The following RORA variants were observed in gnomAD, a reference collection of about 807,000 sequenced individuals.
The protein encoded by RORA is nuclear receptor ROR-alpha.
A neutral mutation model predicts 69.5 loss-of-function variants in RORA; 7 were observed. The observed-to-expected ratio is 0.10, with a 90% CI of 0.06 to 0.19. The LOEUF (loss-of-function observed/expected upper bound fraction) is 0.19, where lower values mean the gene tolerates loss of function less well. Ranked by LOEUF, RORA falls within the 10% of genes least tolerant of loss-of-function variation. The pLI, the probability that RORA is intolerant of heterozygous loss-of-function variation, is 1.00. For synonymous variants in RORA, 261 were observed against 240.8 expected, an observed-to-expected ratio of 1.08 and a Z score of -0.78; for missense variants, 457 against 663.0, an observed-to-expected ratio of 0.69 and a Z score of 3.41.
At chr15:61,080,012 C>G (rs1172056930) in intron 1 of RORA, among the ~76,000 whole-genome samples, 1 of 152,102 alleles carries the variant, frequency 6.6e-6, no homozygotes, top group Non-Finnish European at 1.5e-5. Context: ...CAGCATGTGC[C>G]CAGCACACAG....
chr15:61,004,181 G>A (rs953249039), intron 1 of RORA, among the ~76,000 whole-genome samples: 1 of 151,836 alleles, frequency 6.6e-6, no homozygotes, highest in African/African-American at 2.4e-5. Context: ...CTTACTTCTT[G>A]TCATGGAAAA....
chr15:60,622,989 T>C (rs1036651002), intron 2 of RORA, among the ~76,000 whole-genome samples: 5 of 152,234 alleles, frequency 3.3e-5, no homozygotes, highest in Non-Finnish European at 5.9e-5. Flanking sequence ...GTGCTGGGAT[T>C]ACAGGCATGA....
At chr15:60,505,020 A>G (rs914843487) in intron 6 of RORA, among the ~76,000 whole-genome samples, 1 of 152,222 alleles carries the variant, frequency 6.6e-6, no homozygotes, top group African/African-American at 2.4e-5. Flanking sequence ...CAAGTAGGGT[A>G]CTATTTGTCA....
At chr15:60,636,719 C>T (rs1294325782) in intron 2 of RORA, among the ~76,000 whole-genome samples, 1 of 152,064 alleles carries the variant, frequency 6.6e-6, no homozygotes, top group Non-Finnish European at 1.5e-5. Context: ...TACAAAATAT[C>T]ACCGCATCAT....
intron 1 of RORA, among the ~76,000 whole-genome samples, chr15:60,849,733 T>C (rs1294945338): frequency 3.9e-5 from 6 of 152,218 alleles, no homozygotes; most frequent in Non-Finnish European, 7.3e-5. Flanking sequence ...CAAGCTACCA[T>C]TGCGATGTCT....
chr15:61,033,533 A>G (rs1896292507), intron 1 of RORA, among the ~76,000 whole-genome samples: 1 of 152,190 alleles, frequency 6.6e-6, no homozygotes, highest in Non-Finnish European at 1.5e-5. Flanking sequence ...TTCATTCTTT[A>G]TCTCCAAATT....
At chr15:60,565,867 G>C (rs1198909517) in intron 2 of RORA, among the ~76,000 whole-genome samples, 1 of 152,192 alleles carries the variant, frequency 6.6e-6, no homozygotes, top group Non-Finnish European at 1.5e-5. Context: ...CCAGGTATTT[G>C]ACGGATTTAT....
At chr15:60,938,096 C>A (rs575279787) in intron 1 of RORA, among the ~76,000 whole-genome samples, 3 of 152,006 alleles carry the variant, frequency 2.0e-5, no homozygotes, top group East Asian at 3.9e-4. Context: ...CTTGTGTACA[C>A]AAGCTAATGT....
At chr15:60,632,540 A>G (rs369886557) in intron 2 of RORA, among the ~76,000 whole-genome samples, 5 of 152,330 alleles carry the variant, frequency 3.3e-5, no homozygotes, top group African/African-American at 9.6e-5. Flanking sequence ...AAATAATGAT[A>G]GGGCATACTT....
chr15:60,622,941 C>T (rs2069457590), intron 2 of RORA, among the ~76,000 whole-genome samples: 1 of 152,102 alleles, frequency 6.6e-6, no homozygotes, highest in South Asian at 2.1e-4. Flanking sequence ...GTCTCGAACT[C>T]CTGACCTCAG....
intron 1 of RORA, among the ~76,000 whole-genome samples, chr15:61,033,845 G>T (rs549480114): frequency 6.6e-6 from 1 of 152,092 alleles, no homozygotes; most frequent in East Asian, 1.9e-4. Flanking sequence ...GAGGTGGGAA[G>T]ATTCCTTGAG....
chr15:61,034,629 T>C (rs1896357314), intron 1 of RORA, among the ~76,000 whole-genome samples: 1 of 152,172 alleles, frequency 6.6e-6, no homozygotes, highest in South Asian at 2.1e-4. Context: ...TTGAATTTAT[T>C]TGAGATTTAT....
chr15:61,072,803 T>C (rs926283848), intron 1 of RORA, among the ~76,000 whole-genome samples: 1 of 152,232 alleles, frequency 6.6e-6, no homozygotes, highest in African/African-American at 2.4e-5. Flanking sequence ...AGGAATGCAG[T>C]ATTAGGACTG....
chr15:60,947,688 T>C (rs866118865), intron 1 of RORA, among the ~76,000 whole-genome samples: 1 of 102,952 alleles, frequency 9.7e-6, no homozygotes, highest in Non-Finnish European at 1.8e-5. Context: ...GAATGATCAA[T>C]AAAAAAAAAA....
At chr15:60,545,693 ATTTT>A (rs2067047874) in intron 2 of RORA, among the ~76,000 whole-genome samples, 1 of 152,228 alleles carries the variant, frequency 6.6e-6, no homozygotes. Context: ...AGCGTGGTCC[ATTTT>A]AAAGTGAATC....
rs117329804 is a variant in RORA at position 61,065,932 on chromosome 15, T to A, written c.166+163121A>T. Reference sequence around the variant, plus strand: ...CAATTTATCTTTCTACCATGGTCAGTGTTCCCTTCAAGGTTGGTTGCAACT... The same window carrying A: ...CAATTTATCTTTCTACCATGGTCAGAGTTCCCTTCAAGGTTGGTTGCAACT... On this transcript the variant is annotated intron_variant, in intron 1 of 10. Coordinates refer to ENST00000335670, the MANE Select transcript of RORA (RefSeq NM_134261.3). Among the ~76,000 whole-genome samples the A allele has an allele frequency of 4.1e-3, 627 of 152,350 alleles. No homozygotes were observed. In the Middle Eastern group the frequency reaches 0.054, roughly 13 times the overall value.
At chr15:61,106,241 G>C (rs943422304) in intron 1 of RORA, among the ~76,000 whole-genome samples, 1 of 152,176 alleles carries the variant, frequency 6.6e-6, no homozygotes, top group Non-Finnish European at 1.5e-5. Context: ...TAGAGAGGAT[G>C]AAAAATATTA....
chr15:60,924,517 T>G (rs1486934604), intron 1 of RORA, among the ~76,000 whole-genome samples: 1 of 151,932 alleles, frequency 6.6e-6, no homozygotes, highest in Non-Finnish European at 1.5e-5. Flanking sequence ...GTAATCATAC[T>G]TCTGCTCATC....
chr15:61,196,744 T>A (rs2079848906), intron 1 of RORA, among the ~76,000 whole-genome samples: 1 of 152,240 alleles, frequency 6.6e-6, no homozygotes, highest in South Asian at 2.1e-4. Flanking sequence ...AAAAGTCACC[T>A]AATGGCACCA....
Sources: gnomAD v4.1 joint callset for allele counts (sites outside exome capture counted in the v4.1 genomes callset) on GRCh38, gnomAD v4.1.1 for gene constraint, MANE v1.5 for transcripts, NCBI Gene and HGNC (gene_info 2026-07-23, HGNC 2026-07-21) for gene names.